PKHD1L1: variants seen among roughly 807,000 people sequenced by gnomAD.
The protein encoded by PKHD1L1 is PKHD1 like 1.
In PKHD1L1, 434 loss-of-function variants were observed where a neutral mutation model predicts 462.9. The observed-to-expected ratio is 0.94, with a 90% CI of 0.87 to 1.02. PKHD1L1 has a LOEUF of 1.02. PKHD1L1 is among the 50% of genes least tolerant of loss of function. The probability of loss-of-function intolerance (pLI) is 0.00; values close to 1 mark genes in which losing one functional copy is unlikely to be tolerated. For synonymous variants in PKHD1L1, 1,781 were observed against 1,750.0 expected, an observed-to-expected ratio of 1.02 and a Z score of -0.44; for missense variants, 5,202 against 5,096.1, an observed-to-expected ratio of 1.02 and a Z score of -0.63.
chr8:109,376,943 C>G (rs761534948), intron 2 of PKHD1L1, among the ~76,000 whole-genome samples: 1 of 152,154 alleles, frequency 6.6e-6, no homozygotes, highest in East Asian at 1.9e-4. Context: ...GCACCTGCCA[C>G]GTAGCTTTAC....
At chr8:109,383,959 C>A in intron 4 of PKHD1L1, 111 bp from the exon 5 acceptor site, 1 of 768,008 alleles carries the variant, frequency 1.3e-6, no homozygotes, top group Non-Finnish European at 2.3e-6. Flanking sequence ...TCCTACATGA[C>A]AGTTACATTA....
At chr8:109,379,079 C>A (rs779850859) in intron 2 of PKHD1L1, among the ~76,000 whole-genome samples, 1 of 152,102 alleles carries the variant, frequency 6.6e-6, no homozygotes, top group South Asian at 2.1e-4. Context: ...CATGGACTCC[C>A]TTTCACCCAG....
chr8:109,454,914 A>G, intron 45 of PKHD1L1, 62 bp downstream of exon 45: 2 of 1,521,398 alleles, frequency 1.3e-6, no homozygotes, highest in South Asian at 1.3e-5. Context: ...ACCAGGGATA[A>G]TTATCCTGTG....
At chr8:109,488,225 G>A (rs373055400) in intron 59 of PKHD1L1, among the ~76,000 whole-genome samples, 1 of 152,002 alleles carries the variant, frequency 6.6e-6, no homozygotes, top group African/African-American at 2.4e-5. Context: ...TCAAGATAAT[G>A]TGTTGGTTCC....
chr8:109,394,349 G>A (rs1170596654), intron 9 of PKHD1L1, 66 bp from the exon 10 acceptor site: 1 of 1,013,174 alleles, frequency 9.9e-7, no homozygotes, highest in Non-Finnish European at 1.4e-6. Context: ...TTCTATCACT[G>A]AAGTTAAAAA....
chr8:109,453,519 A>G (rs1816655746), intron 43 of PKHD1L1, among the ~76,000 whole-genome samples: 1 of 152,250 alleles, frequency 6.6e-6, no homozygotes, highest in African/African-American at 2.4e-5. Flanking sequence ...AAACTTTGCC[A>G]TAACAGGCTT....
At chr8:109,423,910 T>G (rs1814605372) in intron 23 of PKHD1L1, among the ~76,000 whole-genome samples, 1 of 152,222 alleles carries the variant, frequency 6.6e-6, no homozygotes, top group African/African-American at 2.4e-5. Flanking sequence ...TTCGAGCAGT[T>G]GTAAATGGTC....
In PKHD1L1 at chr8:109,413,406, C is replaced by T; in HGVS notation, c.2236-15C>T. 1 of 1,455,062 alleles carries T rather than the reference C, an allele frequency of 6.9e-7. No homozygotes were observed. Among genetic ancestry groups the T allele is most frequent in the East Asian group, 2.4e-5 (1 of 41,928 alleles). 90.1% of individuals were successfully genotyped at this position (1,455,062 alleles called of 1,614,324 possible). ...GTAATATATTGTTACCAATGTTTTT[C>T]ATATTTTTATGTAGTTATGTTTAGC... On this transcript the variant is annotated splice_polypyrimidine_tract_variant and intron_variant, in intron 20 of 77. Transcript: ENST00000378402.
rs770715119 is a variant in PKHD1L1 at position 109,449,323 on chromosome 8, A to T, written c.6026-15A>T. The T allele has an allele frequency of 7.8e-6, 12 of 1,548,000 alleles. No homozygotes were observed. In the African/African-American group the frequency reaches 1.5e-4, roughly 20 times the overall value. ...TTAATTAGCTTTGTTTTTCCTTTTTATTTGTCTTCACTAGGGAGCTTTGGT... is the reference window on the plus strand; with the variant it reads ...TTAATTAGCTTTGTTTTTCCTTTTTTTTTGTCTTCACTAGGGAGCTTTGGT... On this transcript the variant is annotated splice_polypyrimidine_tract_variant and intron_variant, in intron 39 of 77. Coordinates refer to ENST00000378402, the MANE Select transcript of PKHD1L1 (RefSeq NM_177531.6).
rs1194540531 is a variant in PKHD1L1, at chr8:109,484,976, AATG to A, written c.9577-65_9577-63del. 4.7e-6 allele frequency: 6 copies of A among 1,276,006 alleles called. No homozygotes were observed. The East Asian group carries it at 1.0e-4, about 22-fold the overall frequency. 79.0% of individuals were successfully genotyped at this position (1,276,006 alleles called of 1,614,324 possible). On this transcript the variant is annotated intron_variant, in intron 57 of 77. Transcript: ENST00000378402. The stretch of plus-strand genomic sequence containing the variant: ...ATACATTAAATTTGAATGATTTAAT[AATG>A]ATATCAAGAAATATAAATCTATTTT...
At position 109,464,541 on chromosome 8, in the gene PKHD1L1, C is replaced by G. The variant is rs1817318211; in HGVS notation, c.7709C>G (p.Thr2570Ser). The G allele has an allele frequency of 6.2e-7, 1 of 1,613,524 alleles. No homozygotes were observed. Among genetic ancestry groups the G allele is most frequent in the Admixed American group, 1.7e-5 (1 of 59,944 alleles). ...AAFWVTNPNN[T>S]IRHNAVAGGT... ...TTTTGGGTCACCAACCCGAACAATACCATACGACACAATGCTGTTGCTGGT... is the reference window on the plus strand; with the variant it reads ...TTTTGGGTCACCAACCCGAACAATAGCATACGACACAATGCTGTTGCTGGT... Residue 2570 changes from threonine to serine, a missense_variant, in exon 49 of 78, where the codon ACC (threonine) becomes AGC (serine). By Grantham distance (58) the Thr-to-Ser change is moderately conservative (BLOSUM62 1). Coordinates refer to ENST00000378402, the MANE Select transcript of PKHD1L1 (RefSeq NM_177531.6).
At chr8:109,396,337 A>G (rs2130513082) in intron 11 of PKHD1L1, among the ~76,000 whole-genome samples, 200 bp downstream of exon 11, 1 of 152,264 alleles carries the variant, frequency 6.6e-6, no homozygotes, top group South Asian at 2.1e-4. Context: ...CTGAAACCTC[A>G]TGTGAATAGG....
intron 50 of PKHD1L1, among the ~76,000 whole-genome samples, chr8:109,474,749 A>G (rs1257520490): frequency 6.6e-6 from 1 of 152,142 alleles, no homozygotes; most frequent in Non-Finnish European, 1.5e-5. Context: ...TGACCTTTAA[A>G]TAATTATATT....
intron 34 of PKHD1L1, 36 bp downstream of exon 34, chr8:109,441,415 C>G: frequency 8.8e-7 from 1 of 1,141,620 alleles, no homozygotes; most frequent in African/African-American, 1.6e-5. Flanking sequence ...ATAATGGAAG[C>G]ACTGAAACCT....
chr8:109,382,416 A>G, intron 3 of PKHD1L1, 47 bp from the exon 4 acceptor site: 1 of 1,501,842 alleles, frequency 6.7e-7, no homozygotes, highest in Non-Finnish European at 9.1e-7. Flanking sequence ...TATACACTAA[A>G]TAAGAGAGGA....
At chr8:109,470,712 A>G in intron 50 of PKHD1L1, 1 of 1,578,348 alleles carries the variant, frequency 6.3e-7, no homozygotes, top group Non-Finnish European at 8.7e-7. Context: ...TGGTTCAATT[A>G]GAAGCCTTGT....
At chr8:109,414,377 C>T (rs930494777) in intron 21 of PKHD1L1, among the ~76,000 whole-genome samples, 5 of 152,138 alleles carry the variant, frequency 3.3e-5, no homozygotes, top group Admixed American at 1.3e-4. Context: ...ACCATCACTC[C>T]GCTGAAGACA....
intron 48 of PKHD1L1, among the ~76,000 whole-genome samples, chr8:109,463,476 T>G (rs61599029): frequency 8.2e-4 from 125 of 152,296 alleles, no homozygotes; most frequent in Non-Finnish European, 1.5e-3. Flanking sequence ...TAATGGTTAA[T>G]TTTTAGCTTT....
chr8:109,532,081 A>G lies in PKHD1L1; in HGVS notation c.*1991A>G, dbSNP rs981732958. Among the ~76,000 whole-genome samples, 4 of 152,250 alleles carry G rather than the reference A, an allele frequency of 2.6e-5. No individual in the cohort carries two copies. The highest frequency in any genetic ancestry group is 9.6e-5 in the African/African-American group (4 of 41,478). ...TTCACACCAGAACATTGTAAAAGCC[A>G]TAAAATTGTCCACCATCTGTATTCT... On this transcript the variant is annotated 3_prime_UTR_variant, in exon 78 of 78. Transcript: ENST00000378402.
Sources: gnomAD v4.1 joint callset for allele counts (sites outside exome capture counted in the v4.1 genomes callset) on GRCh38, gnomAD v4.1.1 for gene constraint, MANE v1.5 for transcripts, NCBI Gene and HGNC (gene_info 2026-07-23, HGNC 2026-07-21) for gene names.